Variants in PARP2 observed in about 807,000 individuals in gnomAD.
The protein encoded by PARP2 is poly [ADP-ribose] polymerase 2.
A neutral mutation model predicts 77.8 loss-of-function variants in PARP2; 57 were observed. The ratio of observed to expected loss-of-function variants is 0.73; its 90% CI spans 0.59 to 0.91. PARP2 has a LOEUF of 0.91. Ranked by LOEUF, PARP2 falls within the 40% of genes least tolerant of loss-of-function variation. The pLI is 0.00. For missense variants in PARP2, 651 were observed against 689.0 expected, an observed-to-expected ratio of 0.94 and a Z score of 0.62; for synonymous variants, 226 against 242.6, an observed-to-expected ratio of 0.93 and a Z score of 0.64.
chr14:20,343,952 T>G (rs982347700), intron 1 of PARP2, among the ~76,000 whole-genome samples: 4 of 152,300 alleles, frequency 2.6e-5, no homozygotes, highest in African/African-American at 9.6e-5. Flanking sequence ...AAAAAGTAAT[T>G]GTAAGGCACA....
Position 20,357,678 on chromosome 14 carries a change from G to A in PARP2, c.1594G>A (p.Gly532Arg), listed in dbSNP as rs1884209380. The part of the protein sequence containing the change: ...TVPLGPASDT[G>R]ILNPDGYTLN... The stretch of plus-strand genomic sequence containing the variant: ...GCCATTAGGACCAGCAAGTGACACA[G>A]GAATTCTGAATCCAGATGGTTATAC... Residue 532 changes from glycine to arginine, a missense_variant, in exon 16 of 16, where the codon GGA becomes AGA. Physicochemically the swap from Gly to Arg is moderately radical, Grantham distance 125 (BLOSUM62 -2). Transcript: ENST00000429687. The A allele has an allele frequency of 6.2e-7, 1 of 1,613,786 alleles. No homozygotes were observed. Among genetic ancestry groups the A allele is most frequent in the Non-Finnish European group, 8.5e-7 (1 of 1,179,928 alleles).
chr14:20,351,210 C>T, intron 6 of PARP2, 88 bp downstream of exon 6: 4 of 859,344 alleles, frequency 4.7e-6, no homozygotes, highest in Non-Finnish European at 7.4e-6. Flanking sequence ...GACAGTTTCA[C>T]TCTTGTTGCC....
At chr14:20,353,389 C>A (rs1884030066) in intron 7 of PARP2, among the ~76,000 whole-genome samples, 1 of 151,748 alleles carries the variant, frequency 6.6e-6, no homozygotes, top group Non-Finnish European at 1.5e-5. Flanking sequence ...TACAGGCGCC[C>A]GCCACCACGC....
In PARP2 at chr14:20,356,297, T is replaced by C. The variant is rs764198957; in HGVS notation, c.1102-10T>C. The C allele has an allele frequency of 5.6e-6, 9 of 1,613,844 alleles. No individual in the cohort carries two copies. The highest frequency in any genetic ancestry group is 6.8e-6 in the Non-Finnish European group (8 of 1,179,884). On this transcript the variant is annotated splice_polypyrimidine_tract_variant and intron_variant, in intron 11 of 15. Coordinates refer to ENST00000429687, the MANE Select transcript of PARP2 (RefSeq NM_001042618.2). ...AGTCTACATCAGCCTTTTTGTCTTA[T>C]TTTTCACAGGTGATTTCCCAGTACC...
intron 9 of PARP2, chr14:20,355,420 C>T (rs1230646640): frequency 2.6e-5 from 5 of 194,518 alleles, no homozygotes; most frequent in Non-Finnish European, 5.2e-5. Flanking sequence ...GAGTGGTCAA[C>T]AGGTCTACCT....
chr14:20,356,254 C>T lies in PARP2; in HGVS notation c.1102-53C>T, dbSNP rs1237824413. The stretch of plus-strand genomic sequence containing the variant: ...ATCAGAATCCCCAAATTCTTCAGTT[C>T]AGCTCAGTCTCTTGTAGAGTCTACA... On this transcript the variant is annotated intron_variant, in intron 11 of 15. Coordinates refer to ENST00000429687, the MANE Select transcript of PARP2 (RefSeq NM_001042618.2). 5 of 1,595,758 alleles carry T rather than the reference C, an allele frequency of 3.1e-6. No individual in the cohort carries two copies. In the African/African-American group the frequency reaches 6.7e-5, roughly 21 times the overall value.
chr14:20,346,945 T>C (rs747111229), intron 4 of PARP2, 32 bp downstream of exon 4: 3 of 1,354,190 alleles, frequency 2.2e-6, no homozygotes, highest in Admixed American at 3.4e-5. Flanking sequence ...CACCATTATA[T>C]TTATGAGACC....
chr14:20,345,569 C>A, intron 3 of PARP2, 105 bp downstream of exon 3: 3 of 785,190 alleles, frequency 3.8e-6, no homozygotes, highest in African/African-American at 1.7e-5. Context: ...TTTAGGAATC[C>A]TCTCCAAAAT....
rs1261885426 is a variant in PARP2, at chr14:20,344,685, C to T, written c.47-247C>T. Among the ~76,000 whole-genome samples the T allele has an allele frequency of 6.6e-5, 10 of 152,032 alleles. No individual in the cohort carries two copies. In the East Asian group the frequency reaches 9.6e-4, roughly 15 times the overall value. On this transcript the variant is annotated intron_variant, in intron 1 of 15. Transcript: ENST00000429687. ...AAAATTAACTGGGCATGGTGGTGCACGCCTGTAATCCCAGCTACTCAGGAG... is the reference window on the plus strand; with the variant it reads ...AAAATTAACTGGGCATGGTGGTGCATGCCTGTAATCCCAGCTACTCAGGAG...
chr14:20,347,917 G>C (rs1248445921), intron 4 of PARP2, among the ~76,000 whole-genome samples: 1 of 150,292 alleles, frequency 6.7e-6, no homozygotes, highest in African/African-American at 2.5e-5. Flanking sequence ...CTGTCACCCA[G>C]GCTGGAGTGC....
At position 20,357,140 on chromosome 14, in the gene PARP2, C is replaced by G; in HGVS notation, c.1419C>G (p.Leu473=). 1 of 1,600,166 alleles carries G rather than the reference C, an allele frequency of 6.2e-7. No homozygotes were observed. The highest frequency in any genetic ancestry group is 1.1e-5 in the South Asian group (1 of 90,566). Residue 473 remains leucine, a synonymous_variant, in exon 14 of 16, where the codon CTC becomes CTG. Transcript: ENST00000429687. ...GCCTAAAGAATACAGGACTGCTGCT[C>G]TTATCAGAGGTGAGACAGGAGTATG... The part of the protein sequence containing the change: ...ASRLKNTGLL[L]LSEVALGQCN...
At chr14:20,345,788 A>G (rs1713433) in intron 3 of PARP2, among the ~76,000 whole-genome samples, 39,495 of 151,964 alleles carry the variant, frequency 0.26, 8,919 homozygotes, top group African/African-American at 0.62. Flanking sequence ...ACCTTAGGAA[A>G]CTTTTACTCA....
rs1566421440 is a variant in PARP2, at chr14:20,352,333, G to A, written c.586G>A (p.Ala196Thr). The A allele has an allele frequency of 6.3e-7, 1 of 1,584,470 alleles. No individual in the cohort carries two copies. The highest frequency in any genetic ancestry group is 8.7e-7 in the Non-Finnish European group (1 of 1,153,178). ...ATATGATATGCTACAGATGGACTAT[G>A]CCACCAATACTCAGGTAACTCTCAC... ...GKYDMLQMDY[A>T]TNTQDEEETK... Residue 196 changes from alanine (A) to threonine (T), a missense_variant, in exon 7 of 16, where the codon GCC becomes ACC. Ala to Thr is a moderately conservative substitution (Grantham distance 58). Transcript: ENST00000429687.
chr14:20,354,730 CT>C (rs1884079951), intron 8 of PARP2, 78 bp from the exon 9 acceptor site: 1 of 1,374,306 alleles, frequency 7.3e-7, no homozygotes, highest in South Asian at 1.4e-5. Context: ...AGATGAAAGT[CT>C]TTTTTAGGGA....
At chr14:20,347,550 G>T (rs1330831248) in intron 4 of PARP2, among the ~76,000 whole-genome samples, 1 of 148,786 alleles carries the variant, frequency 6.7e-6, no homozygotes, top group Non-Finnish European at 1.5e-5. Flanking sequence ...CAAGTAGCTG[G>T]GACTACAGGT....
chr14:20,353,788 C>T (rs970339261), intron 7 of PARP2, among the ~76,000 whole-genome samples: 13 of 152,034 alleles, frequency 8.6e-5, no homozygotes, highest in Non-Finnish European at 1.3e-4. Flanking sequence ...TACACACTGA[C>T]GTCATGAGGA....
chr14:20,356,848 A>G, intron 13 of PARP2, 159 bp downstream of exon 13: 1 of 698,354 alleles, frequency 1.4e-6, no homozygotes, highest in Non-Finnish European at 2.5e-6. Context: ...CTCTTTCTTT[A>G]AATTCCTAAA....
chr14:20,345,747 A>G (rs919121384), intron 3 of PARP2, among the ~76,000 whole-genome samples: 2 of 152,198 alleles, frequency 1.3e-5, no homozygotes, highest in African/African-American at 4.8e-5. Flanking sequence ...GAGGCTGTAC[A>G]GGAAGCATAG....
chr14:20,355,694 C>T lies in PARP2; in HGVS notation c.903-58C>T, dbSNP rs1884118387. On this transcript the variant is annotated intron_variant, in intron 9 of 15. Coordinates refer to ENST00000429687, the MANE Select transcript of PARP2 (RefSeq NM_001042618.2). Reference sequence around the variant, plus strand: ...CTATCTGTCATTTTCTATTTTTAGTCATGCGCCTTTTAGCCACATGTCAGA... The same window carrying T: ...CTATCTGTCATTTTCTATTTTTAGTTATGCGCCTTTTAGCCACATGTCAGA... 3.0e-6 allele frequency: 4 copies of T among 1,342,836 alleles called. No homozygotes were observed. In the Admixed American group the frequency reaches 6.8e-5, roughly 23 times the overall value. 83.2% of individuals were successfully genotyped at this position (1,342,836 alleles called of 1,614,324 possible). A position where few individuals can be genotyped will look rare whatever the true frequency, so the allele number is the denominator to read the frequency against.
Sources: allele counts gnomAD v4.1 joint callset (sites outside exome capture counted in the v4.1 genomes callset), GRCh38; gene constraint gnomAD v4.1.1; transcripts MANE v1.5; gene names NCBI Gene and HGNC (gene_info 2026-07-23, HGNC 2026-07-21).